Variants in CDK5RAP2 observed in about 807,000 individuals in gnomAD.
CDK5RAP2 encodes the protein CDK5 regulatory subunit-associated protein 2.
CDK5RAP2 carries 147 observed loss-of-function variants against 232.9 expected under a neutral mutation model. The ratio of observed to expected loss-of-function variants is 0.63; its 90% CI spans 0.55 to 0.72. The LOEUF is 0.72. Among genes scored for constraint, CDK5RAP2 ranks in the 30% least tolerant of loss-of-function variants. The pLI, the probability that CDK5RAP2 is intolerant of heterozygous loss-of-function variation, is 0.00. For missense variants in CDK5RAP2, 2,195 were observed against 2,231.5 expected (o/e 0.98, Z 0.33); for synonymous variants, 833 against 833.7 (o/e 1.00, Z 0.01).
chr9:120,467,049 T>C (rs2037420399), intron 18 of CDK5RAP2, among the ~76,000 whole-genome samples: 2 of 152,154 alleles, frequency 1.3e-5, no homozygotes, highest in Admixed American at 1.3e-4. Flanking sequence ...CAGGCCACAG[T>C]AGGGAATGAA....
chr9:120,526,178 G>A (rs556415045), intron 10 of CDK5RAP2, among the ~76,000 whole-genome samples: 1 of 152,230 alleles, frequency 6.6e-6, no homozygotes, highest in Non-Finnish European at 1.5e-5. Flanking sequence ...TATAAACAGG[G>A]AGTCCTAGAT....
At chr9:120,455,290 G>A (rs1462532698) in intron 20 of CDK5RAP2, among the ~76,000 whole-genome samples, 2 of 150,952 alleles carry the variant, frequency 1.3e-5, no homozygotes, top group Admixed American at 6.6e-5. Context: ...GGAAAACAAC[G>A]TGAACAGAGT....
At chr9:120,399,821 T>C (rs2032841043) in intron 35 of CDK5RAP2, among the ~76,000 whole-genome samples, 1 of 152,174 alleles carries the variant, frequency 6.6e-6, no homozygotes, top group South Asian at 2.1e-4. Flanking sequence ...CTGAGCTTAG[T>C]GTATCCAAAC....
intron 17 of CDK5RAP2, among the ~76,000 whole-genome samples, chr9:120,468,864 C>T (rs922845555): frequency 2.0e-5 from 3 of 152,160 alleles, no homozygotes; most frequent in African/African-American, 7.2e-5. Flanking sequence ...TTGATGGAAG[C>T]GATTATTAGC....
intron 32 of CDK5RAP2, chr9:120,406,727 G>A (rs2033468444): frequency 2.1e-6 from 1 of 485,898 alleles, no homozygotes; most frequent in Non-Finnish European, 3.7e-6. Context: ...ATGCAGGCAG[G>A]ACTAAATGGA....
intron 37 of CDK5RAP2, 85 bp from the exon 38 acceptor site, chr9:120,389,377 T>G: frequency 9.3e-7 from 1 of 1,073,082 alleles, no homozygotes; most frequent in Non-Finnish European, 1.4e-6. Context: ...AAAGCGAGAC[T>G]GTTATTCTCA....
intron 36 of CDK5RAP2, 145 bp from the exon 37 acceptor site, chr9:120,389,932 GA>G: frequency 1.4e-6 from 1 of 737,570 alleles, no homozygotes; most frequent in Non-Finnish European, 2.5e-6. Flanking sequence ...AGACCAGAGG[GA>G]GGTACAAAGG....
intron 12 of CDK5RAP2, among the ~76,000 whole-genome samples, chr9:120,513,274 A>G (rs1419130527): frequency 6.6e-6 from 1 of 152,110 alleles, no homozygotes; most frequent in African/African-American, 2.4e-5. Context: ...TCAGCAATCC[A>G]TCCTCTAGAC....
chr9:120,493,789 G>A (rs763576184), intron 12 of CDK5RAP2, among the ~76,000 whole-genome samples: 18 of 152,106 alleles, frequency 1.2e-4, no homozygotes, highest in Non-Finnish European at 2.1e-4. Flanking sequence ...AAAAAAGGAG[G>A]GAGAACCTGC....
intron 7 of CDK5RAP2, among the ~76,000 whole-genome samples, chr9:120,532,079 A>T (rs2041179096): frequency 6.6e-6 from 1 of 151,212 alleles, no homozygotes; most frequent in East Asian, 1.9e-4. Context: ...CCTGGTGGGG[A>T]CTCCTGTGGC....
chr9:120,569,436 C>T (rs762319265), intron 2 of CDK5RAP2, among the ~76,000 whole-genome samples: 1 of 152,018 alleles, frequency 6.6e-6, no homozygotes. Flanking sequence ...GTGAGGACTG[C>T]CATTTTAGGT....
rs375727174 is a variant in CDK5RAP2, at chr9:120,437,349, G to A, written c.3901C>T (p.Gln1301Ter). ...DYCVAEGFQE[Q>*]LNQCAELLEK... ...AGCAGCTCAGCACATTGATTCAGCT[G>A]TTCCTGGAAACCCTCGGCCACACAG... Residue 1301 changes from glutamine (Q) to a stop codon, truncating the protein, a stop_gained, in exon 25 of 38, where the codon CAG becomes TAG. Transcript: ENST00000349780. LOFTEE classifies it high-confidence loss of function. 2 of 1,613,976 alleles carry A rather than the reference G, an allele frequency of 1.2e-6. No homozygotes were observed. The highest frequency in any genetic ancestry group is 1.7e-6 in the Non-Finnish European group (2 of 1,180,002).
intron 23 of CDK5RAP2, 116 bp from the exon 24 acceptor site, chr9:120,440,088 A>C (rs2035812260): frequency 1.2e-6 from 1 of 844,984 alleles, no homozygotes; most frequent in African/African-American, 1.7e-5. Context: ...AGCCTCCCTC[A>C]AAAAGGCCCT....
chr9:120,392,733 G>A (rs903334811), intron 36 of CDK5RAP2, among the ~76,000 whole-genome samples: 5 of 152,254 alleles, frequency 3.3e-5, no homozygotes, highest in African/African-American at 7.2e-5. Context: ...CGAGTGACAC[G>A]AAACCCTCAA....
In CDK5RAP2 at chr9:120,518,555, G is replaced by C; in HGVS notation, c.1183C>G (p.His395Asp). Residue 395 changes from histidine to aspartate, a missense_variant, in exon 12 of 38, where the codon CAC (histidine) becomes GAC (aspartate). By Grantham distance (81) the His-to-Asp change is moderately conservative (BLOSUM62 -1). Transcript: ENST00000349780. ...TTCTTAATGCTTCTACGCAGTCTGT[G>C]GTTCTCTGTACTCTTGGTGAGGTTT... ...SQNLTKSTENHRLRRSIKKIT... is the reference protein window; with the variant it reads ...SQNLTKSTENDRLRRSIKKIT... 1 of 1,613,678 alleles carries C rather than the reference G, an allele frequency of 6.2e-7. No homozygotes were observed. The highest frequency in any genetic ancestry group is 8.5e-7 in the Non-Finnish European group (1 of 1,179,956).
chr9:120,465,874 A>T (rs1281633741), intron 18 of CDK5RAP2, among the ~76,000 whole-genome samples: 1 of 152,220 alleles, frequency 6.6e-6, no homozygotes, highest in Non-Finnish European at 1.5e-5. Flanking sequence ...CATAATGGCA[A>T]TTAGCAAGAA....
At chr9:120,446,845 G>T (rs893481048) in intron 22 of CDK5RAP2, among the ~76,000 whole-genome samples, 8 of 152,128 alleles carry the variant, frequency 5.3e-5, no homozygotes, top group African/African-American at 1.9e-4. Context: ...TCACCATGGA[G>T]GCTCTCTAGC....
At chr9:120,435,062 A>G (rs548248867) in intron 25 of CDK5RAP2, among the ~76,000 whole-genome samples, 4 of 152,370 alleles carry the variant, frequency 2.6e-5, no homozygotes, top group African/African-American at 7.2e-5. Flanking sequence ...AAACTCTAAA[A>G]TTGAATACAA....
At position 120,544,194 on chromosome 9, in the gene CDK5RAP2, G is replaced by C. The variant is rs534048480; in HGVS notation, c.383+1520C>G. ...ACTCAATCCCATGTGTTGCTATTGA[G>C]GAGTGTATGCAAGCCTTTGTGAGCT... On this transcript the variant is annotated intron_variant, in intron 5 of 37. Coordinates refer to ENST00000349780, the MANE Select transcript of CDK5RAP2 (RefSeq NM_018249.6). 2.1e-3 allele frequency among the ~76,000 whole-genome samples: 315 copies of C among 152,318 alleles called. 2 individuals carry two copies. Among genetic ancestry groups the C allele is most frequent in the African/African-American group, 7.4e-3 (307 of 41,562 alleles).
Sources: gnomAD v4.1 joint callset for allele counts (sites outside exome capture counted in the v4.1 genomes callset) on GRCh38, gnomAD v4.1.1 for gene constraint, MANE v1.5 for transcripts, NCBI Gene and HGNC (gene_info 2026-07-23, HGNC 2026-07-21) for gene names.